The following ANGEL2 variants were observed in gnomAD, a reference collection of about 807,000 sequenced individuals.
The protein encoded by ANGEL2 is RNA 2',3'-cyclic phosphatase ANGEL2.
A neutral mutation model predicts 66.0 loss-of-function variants in ANGEL2; 41 were observed. The ratio of observed to expected loss-of-function variants is 0.62; its 90% confidence interval spans 0.48 to 0.81. ANGEL2 has a LOEUF of 0.81. Among genes scored for constraint, ANGEL2 ranks in the 30% least tolerant of loss-of-function variants. ANGEL2 has a pLI of 0.00. For synonymous variants in ANGEL2, 208 were observed against 226.5 expected (o/e 0.92, Z 0.73); for missense variants, 561 against 641.6 (o/e 0.87, Z 1.36).
intron 1 of ANGEL2, among the ~76,000 whole-genome samples, chr1:213,014,492 C>G (rs947417572): frequency 2.0e-5 from 3 of 152,200 alleles, no homozygotes; most frequent in Admixed American, 6.5e-5. Flanking sequence ...CATGGGCATT[C>G]TACACTGCTT....
intron 1 of ANGEL2, chr1:213,015,353 C>A: frequency 1.4e-6 from 2 of 1,397,372 alleles, no homozygotes; most frequent in Non-Finnish European, 1.9e-6. Context: ...GCCACTGGCA[C>A]AAGCCTGGCC....
rs537434147 is a variant in ANGEL2, at chr1:212,999,348, G to A, written c.1319+978C>T. Among the ~76,000 whole-genome samples, 7 of 152,274 alleles carry A rather than the reference G, an allele frequency of 4.6e-5. No homozygotes were observed. In the South Asian group the frequency reaches 1.2e-3, roughly 27 times the overall value. ...TTTATATCCTATATTGTTACAAAAA[G>A]ATTTAAGAGTTACTCAAAACGAAGT... On this transcript the variant is annotated intron_variant, in intron 7 of 8. Transcript: ENST00000366962.
Position 213,013,332 on chromosome 1 carries a change from C to G in ANGEL2, c.146G>C (p.Arg49Thr). ...WENLQRCCWNRHISSCMRWPG... is the reference protein window; with the variant it reads ...WENLQRCCWNTHISSCMRWPG... ...CCACCTCATACAACTAGAAATATGT[C>G]TGTTCCAGCAACACCTTTGCAGATT... The change falls in exon 2 of 9, where the codon AGA becomes ACA. Residue 49 changes from arginine (R) to threonine (T), a missense_variant. Arg to Thr is a moderately conservative substitution (Grantham distance 71). Coordinates refer to ENST00000366962, the MANE Select transcript of ANGEL2 (RefSeq NM_144567.5). 9.3e-6 allele frequency: 15 copies of G among 1,614,190 alleles called. No individual in the cohort carries two copies. The highest frequency in any genetic ancestry group is 1.3e-5 in the Non-Finnish European group (15 of 1,180,024).
Position 212,995,193 on chromosome 1 carries a change from C to A in ANGEL2, c.1484-1G>T. The A allele has an allele frequency of 6.3e-7, 1 of 1,597,576 alleles. No individual in the cohort carries two copies. The highest frequency in any genetic ancestry group is 8.5e-7 in the Non-Finnish European group (1 of 1,172,372). ...CCACCAACCAAAGCAACTTCAGCTC[C>A]TACATTAAAGAAGCACACACATATT... On this transcript the variant is annotated splice_acceptor_variant, in intron 8 of 8. Transcript: ENST00000366962. LOFTEE classifies it high-confidence loss of function.
At position 213,015,698 on chromosome 1, in the gene ANGEL2, C is replaced by G. The variant is rs190175511; in HGVS notation, c.-27G>C. 6.2e-7 allele frequency: 1 copy of G among 1,614,020 alleles called. No homozygotes were observed. Among genetic ancestry groups the G allele is most frequent in the African/African-American group, 1.3e-5 (1 of 74,926 alleles). ...TTCGCCCTCCGCGTGCGTCCAGTTC[C>G]CAGGCCCCGGGTTCCACCTCAATCT... On this transcript the variant is annotated 5_prime_UTR_variant, in exon 1 of 9. Coordinates refer to ENST00000366962, the MANE Select transcript of ANGEL2 (RefSeq NM_144567.5).
At position 213,006,275 on chromosome 1, in the gene ANGEL2, T is replaced by C. The variant is rs1053425702; in HGVS notation, c.713-821A>G. Among the ~76,000 whole-genome samples the C allele has an allele frequency of 3.8e-4, 58 of 152,080 alleles. 1 individual carries two copies. The highest frequency in any genetic ancestry group is 1.2e-3 in the African/African-American group (50 of 41,506). ...AGGAGATCAAGGCCATCCTGGCTAA[T>C]ACGGTGAAACCCCGTCTCTACTAAA... is the stretch of plus-strand genomic sequence containing the variant. On this transcript the variant is annotated intron_variant, in intron 4 of 8. Coordinates refer to ENST00000366962, the MANE Select transcript of ANGEL2 (RefSeq NM_144567.5).
chr1:213,009,780 G>A (rs960852351), intron 2 of ANGEL2, among the ~76,000 whole-genome samples: 5 of 152,292 alleles, frequency 3.3e-5, no homozygotes, highest in African/African-American at 1.2e-4. Flanking sequence ...GCCAGGCACA[G>A]TGCCTCATGC....
At chr1:213,000,676 A>G (rs2076152895) in intron 6 of ANGEL2, 110 bp downstream of exon 6, 1 of 1,186,644 alleles carries the variant, frequency 8.4e-7, no homozygotes, top group African/African-American at 1.6e-5. Context: ...ACATATTTAT[A>G]TATATGAATA....
rs549600424 is a variant in ANGEL2 at position 212,998,520 on chromosome 1, CTTTTTT to C, written c.1320-1208_1320-1203del. On this transcript the variant is annotated intron_variant, in intron 7 of 8. Transcript: ENST00000366962. ...TTTACATAAAGATACAAAAAAGTATCTTTTTTTTTTTTTTTTTTTGAGACAGAGTCT... is the reference window on the plus strand; with the variant it reads ...TTTACATAAAGATACAAAAAAGTATCTTTTTTTTTTTTTGAGACAGAGTCT... Among the ~76,000 whole-genome samples, 3 of 135,068 alleles carry C rather than the reference CTTTTTT, an allele frequency of 2.2e-5. No homozygotes were observed. The South Asian group carries it at 7.2e-4, about 32-fold the overall frequency. The allele number at this position is 135,068 out of a possible 152,430, so 88.6% of individuals were successfully genotyped here. A position where few individuals can be genotyped will look rare whatever the true frequency, so the allele number is the denominator to read the frequency against.
chr1:213,006,984 C>A, intron 4 of ANGEL2, 145 bp downstream of exon 4: 2 of 670,350 alleles, frequency 3.0e-6, no homozygotes, highest in Admixed American at 3.0e-5. Flanking sequence ...GTCCCAGCTA[C>A]TCAGGAAGCC....
At chr1:213,013,472 T>A (rs2076560616) in intron 1 of ANGEL2, 54 bp from the exon 2 acceptor site, 3 of 1,472,592 alleles carry the variant, frequency 2.0e-6, no homozygotes, top group Non-Finnish European at 1.8e-6. Context: ...AGCTATAGTT[T>A]ACAAAATCTA....
In ANGEL2 at chr1:212,993,436, T is replaced by A. The variant is rs1384268039; in HGVS notation, c.*1605A>T. 1 of 152,258 alleles carries A rather than the reference T, an allele frequency of 6.6e-6. No homozygotes were observed. The highest frequency in any genetic ancestry group is 2.1e-4 in the South Asian group (1 of 4,838). 9.4% of individuals were successfully genotyped at this position (152,258 alleles called of 1,614,324 possible). ...TGAGGTTTTCATCTGTTTGTTTTTT[T>A]AAAAATAATTATAGCAAATGCTTTA... On this transcript the variant is annotated 3_prime_UTR_variant, in exon 9 of 9. Coordinates refer to ENST00000366962, the MANE Select transcript of ANGEL2 (RefSeq NM_144567.5).
Position 212,993,064 on chromosome 1 carries a change from T to C in ANGEL2, c.*1977A>G, listed in dbSNP as rs1161855411. 1.3e-5 allele frequency: 2 copies of C among 152,204 alleles called. No homozygotes were observed. The highest frequency in any genetic ancestry group is 2.9e-5 in the Non-Finnish European group (2 of 68,052). 9.4% of individuals were successfully genotyped at this position (152,204 alleles called of 1,614,324 possible). A position where few individuals can be genotyped will look rare whatever the true frequency, so the allele number is the denominator to read the frequency against. On this transcript the variant is annotated 3_prime_UTR_variant, in exon 9 of 9. Coordinates refer to ENST00000366962, the MANE Select transcript of ANGEL2 (RefSeq NM_144567.5). ...GCTCATGCCTGTAATCACAGCACTT[T>C]GGGAGCCCGAGGCGGGTGGATCACC...
At chr1:213,007,104 A>AG in intron 4 of ANGEL2, 25 bp downstream of exon 4, 2 of 1,602,490 alleles carry the variant, frequency 1.2e-6, no homozygotes, top group Admixed American at 1.7e-5. Context: ...AAAAAGAAAA[A>AG]AAAAAAAAAA....
chr1:213,015,025 G>A, intron 1 of ANGEL2: 2 of 760,036 alleles, frequency 2.6e-6, no homozygotes, highest in Non-Finnish European at 3.2e-6. Flanking sequence ...CTACTGAAGT[G>A]CTTTTTAAAA....
intron 4 of ANGEL2, among the ~76,000 whole-genome samples, chr1:213,006,156 A>C (rs1158252530): frequency 2.6e-5 from 4 of 152,074 alleles, no homozygotes; most frequent in South Asian, 2.1e-4. Flanking sequence ...TATAGTAGGC[A>C]CTCAAAAAAA....
intron 6 of ANGEL2, 24 bp downstream of exon 6, chr1:213,000,762 C>T (rs377489854): frequency 4.8e-5 from 76 of 1,587,166 alleles, no homozygotes; most frequent in East Asian, 3.6e-4. Flanking sequence ...CAGCAGACTG[C>T]CAAAATGTAT....
chr1:213,005,113 A>T lies in ANGEL2; in HGVS notation c.1054T>A (p.Phe352Ile), dbSNP rs755219220. Residue 352 changes from phenylalanine (F) to isoleucine (I), a missense_variant, in exon 5 of 9, where the codon TTT becomes ATT. Phe to Ile is a conservative substitution (Grantham distance 21, BLOSUM62 0). Transcript: ENST00000366962. ...SFCPIVMCGDFNSVPGSPLYS... is the reference protein window; with the variant it reads ...SFCPIVMCGDINSVPGSPLYS... ...AGTGGAGAACCAGGAACAGAATTAAAGTCACCACACATAACAATAGGGCAG... is the reference window on the plus strand; with the variant it reads ...AGTGGAGAACCAGGAACAGAATTAATGTCACCACACATAACAATAGGGCAG... 6.2e-7 allele frequency: 1 copy of T among 1,613,910 alleles called. No individual in the cohort carries two copies. Among genetic ancestry groups the T allele is most frequent in the South Asian group, 1.1e-5 (1 of 91,044 alleles).
At chr1:213,010,625 C>G (rs2076480939) in intron 2 of ANGEL2, among the ~76,000 whole-genome samples, 1 of 150,334 alleles carries the variant, frequency 6.7e-6, no homozygotes, top group Non-Finnish European at 1.5e-5. Context: ...CATTCATAAA[C>G]TGGAGACTGT....
Sources: allele counts gnomAD v4.1 joint callset (sites outside exome capture counted in the v4.1 genomes callset), GRCh38; gene constraint gnomAD v4.1.1; transcripts MANE v1.5; gene names NCBI Gene and HGNC (gene_info 2026-07-23, HGNC 2026-07-21).